The following PRRG1 variants were observed in gnomAD, a reference collection of about 807,000 sequenced individuals.
PRRG1 encodes transmembrane gamma-carboxyglutamic acid protein 1.
In PRRG1, 5 loss-of-function variants were observed where a neutral mutation model predicts 11.8. The observed-to-expected ratio is 0.42, with a 90% CI of 0.22 to 0.89. The LOEUF is 0.89. Among genes scored for constraint, PRRG1 ranks in the 40% least tolerant of loss-of-function variants. The pLI is 0.28. For synonymous variants in PRRG1, 66 were observed against 60.4 expected (o/e 1.09, Z -0.43); for missense variants, 155 against 166.1 (o/e 0.93, Z 0.37).
chrX:37,351,972 C>A (rs185528652), intron 1 of PRRG1, among the ~76,000 whole-genome samples: 1 of 112,452 alleles, frequency 8.9e-6, no homozygotes, highest in East Asian at 2.8e-4. Context: ...CTTCATGTTA[C>A]AGTTCCCTGA....
chrX:37,396,711 A>G (rs1556378252), intron 1 of PRRG1, among the ~76,000 whole-genome samples: 1 of 111,290 alleles, frequency 9.0e-6, no homozygotes, highest in Non-Finnish European at 1.9e-5. Flanking sequence ...AGTATCATGT[A>G]TAACATTGTT....
intron 3 of PRRG1, among the ~76,000 whole-genome samples, chrX:37,432,801 T>C (rs1021677621): frequency 8.9e-6 from 1 of 111,825 alleles, no homozygotes; most frequent in Non-Finnish European, 1.9e-5. Flanking sequence ...CAGACTTGTA[T>C]GGCTAACTGC....
chrX:37,366,818 A>G (rs1332951315), intron 1 of PRRG1, among the ~76,000 whole-genome samples: 1 of 111,641 alleles, frequency 9.0e-6, no homozygotes. Context: ...CCAGAGCTGT[A>G]TATCAGAATT....
chrX:37,382,501 T>A (rs147708584), intron 1 of PRRG1, among the ~76,000 whole-genome samples: 1,732 of 111,383 alleles, frequency 0.016, 16 homozygotes, highest in Middle Eastern at 0.046. Flanking sequence ...TAATCAAATC[T>A]TAAAGGCTGC....
chrX:37,401,235 A>G (rs1324366302), intron 1 of PRRG1, among the ~76,000 whole-genome samples: 3 of 111,270 alleles, frequency 2.7e-5, no homozygotes, highest in African/African-American at 9.8e-5. Flanking sequence ...AAAATCCTCA[A>G]TAAAATACTG....
chrX:37,416,312 A>G (rs1035623585), intron 2 of PRRG1, among the ~76,000 whole-genome samples: 7 of 112,205 alleles, frequency 6.2e-5, no homozygotes, highest in African/African-American at 2.3e-4. Flanking sequence ...CCTATCCTAC[A>G]GTCTATGCTG....
intron 1 of PRRG1, among the ~76,000 whole-genome samples, chrX:37,403,180 C>T (rs781924271): frequency 1.4e-4 from 15 of 109,583 alleles, no homozygotes; most frequent in South Asian, 4.0e-4. Context: ...CACATGCACA[C>T]GTATGTTTAT....
chrX:37,439,793 CTTTTTTTTTT>C (rs36010783), intron 3 of PRRG1, among the ~76,000 whole-genome samples: 1 of 74,018 alleles, frequency 1.4e-5, no homozygotes, highest in East Asian at 4.1e-4. Flanking sequence ...CTTTAAAATT[CTTTTTTTTTT>C]TTTTTTTTTT....
Position 37,428,402 on chromosome X carries a change from C to T in PRRG1, c.171+2402C>T, listed in dbSNP as rs535563619. Among the ~76,000 whole-genome samples the T allele has an allele frequency of 6.3e-5, 7 of 111,886 alleles. No homozygotes were observed. In the South Asian group the frequency reaches 2.7e-3, roughly 43 times the overall value. On this transcript the variant is annotated intron_variant, in intron 3 of 3. Coordinates refer to ENST00000378628, the MANE Select transcript of PRRG1 (RefSeq NM_001142395.2). ...TGGGGGTACAGGTGTTGGGTTAATA[C>T]AGACCTTCCAAATGGGAGAAATTGG...
intron 3 of PRRG1, among the ~76,000 whole-genome samples, chrX:37,426,836 GTTTTA>G (rs1237180389): frequency 9.0e-6 from 1 of 111,537 alleles, no homozygotes; most frequent in Non-Finnish European, 1.9e-5. Flanking sequence ...GTCATTGTTG[GTTTTA>G]TTTTATTTTA....
At chrX:37,431,728 G>A (rs1932829181) in intron 3 of PRRG1, among the ~76,000 whole-genome samples, 2 of 111,579 alleles carry the variant, frequency 1.8e-5, no homozygotes, top group Admixed American at 9.5e-5. Context: ...TATTGATTAA[G>A]TTTTATCATT....
intron 3 of PRRG1, among the ~76,000 whole-genome samples, chrX:37,430,002 C>T (rs1233437963): frequency 1.8e-5 from 2 of 111,799 alleles, no homozygotes; most frequent in Non-Finnish European, 3.8e-5. Flanking sequence ...GACTGGCCCC[C>T]ATGATTCAAT....
At chrX:37,415,299 T>C (rs782724190) in intron 2 of PRRG1, among the ~76,000 whole-genome samples, 1 of 111,123 alleles carries the variant, frequency 9.0e-6, no homozygotes, top group South Asian at 3.8e-4. Context: ...TACCAGCTGC[T>C]CAGGAGGCTT....
At chrX:37,403,526 GC>G (rs1471513554) in intron 1 of PRRG1, among the ~76,000 whole-genome samples, 5 of 104,335 alleles carry the variant, frequency 4.8e-5, no homozygotes, top group Non-Finnish European at 7.8e-5. Context: ...TATACCTAAG[GC>G]TAAATGACGA....
At chrX:37,438,320 C>A (rs1207512232) in intron 3 of PRRG1, among the ~76,000 whole-genome samples, 1 of 110,495 alleles carries the variant, frequency 9.1e-6, no homozygotes, top group East Asian at 2.8e-4. Context: ...AATTAAACAT[C>A]ATATTTCATT....
chrX:37,438,858 G>T (rs916578078), intron 3 of PRRG1, among the ~76,000 whole-genome samples: 1 of 111,712 alleles, frequency 9.0e-6, no homozygotes, highest in African/African-American at 3.3e-5. Flanking sequence ...ATCTGGATGG[G>T]GTGACTACTG....
intron 3 of PRRG1, among the ~76,000 whole-genome samples, chrX:37,428,605 C>T (rs1000983275): frequency 1.8e-5 from 2 of 112,307 alleles, no homozygotes; most frequent in Admixed American, 9.4e-5. Context: ...AGGGTACAGC[C>T]TCGCTCCTGG....
At chrX:37,402,318 CAG>C (rs1212307482) in intron 1 of PRRG1, among the ~76,000 whole-genome samples, 5 of 111,314 alleles carry the variant, frequency 4.5e-5, no homozygotes, top group African/African-American at 1.6e-4. Context: ...ACAGAGCCCT[CAG>C]AAATAATACT....
intron 3 of PRRG1, among the ~76,000 whole-genome samples, chrX:37,447,760 A>C: frequency 8.9e-6 from 1 of 112,510 alleles, no homozygotes; most frequent in Non-Finnish European, 1.9e-5. Flanking sequence ...CCATAACAAT[A>C]ATGTCTTTTG....
Sources: gnomAD v4.1 joint callset for allele counts (sites outside exome capture counted in the v4.1 genomes callset) on GRCh38, gnomAD v4.1.1 for gene constraint, MANE v1.5 for transcripts, NCBI Gene and HGNC (gene_info 2026-07-23, HGNC 2026-07-21) for gene names.